The following LTBP1 variants were observed in gnomAD, a reference collection of about 807,000 sequenced individuals.
LTBP1 encodes the protein latent transforming growth factor beta binding protein 1.
Under a neutral mutation model 207.6 loss-of-function variants are expected in LTBP1, and 129 were observed. The observed-to-expected ratio is 0.62, with a 90% CI of 0.54 to 0.72. The LOEUF (loss-of-function observed/expected upper bound fraction) is 0.72, where lower values mean the gene tolerates loss of function less well. Among genes scored for constraint, LTBP1 ranks in the 30% least tolerant of loss-of-function variants. LTBP1 has a pLI of 0.00. For synonymous variants in LTBP1, 963 were observed against 833.7 expected (o/e 1.16, Z -2.67); for missense variants, 2,281 against 2,217.2 (o/e 1.03, Z -0.58).
intron 5 of LTBP1, among the ~76,000 whole-genome samples, chr2:33,182,699 T>TAC (rs377663333): frequency 0.016 from 1,253 of 78,814 alleles, 121 homozygotes; most frequent in South Asian, 0.046. Flanking sequence ...TATATATATA[T>TAC]ACACACACAC....
At chr2:33,360,237 T>C (rs2094911899) in intron 26 of LTBP1, among the ~76,000 whole-genome samples, 2 of 152,178 alleles carry the variant, frequency 1.3e-5, no homozygotes, top group South Asian at 2.1e-4. Flanking sequence ...TTGGGAAAAT[T>C]TTTATTGATT....
intron 11 of LTBP1, among the ~76,000 whole-genome samples, chr2:33,254,483 C>T (rs898600776): frequency 6.7e-6 from 1 of 149,012 alleles, no homozygotes; most frequent in Non-Finnish European, 1.5e-5. Context: ...AAAATTTTTG[C>T]ACTTAAGTTT....
intron 31 of LTBP1, among the ~76,000 whole-genome samples, chr2:33,369,903 C>T (rs1222948307): frequency 1.3e-5 from 2 of 152,226 alleles, no homozygotes; most frequent in Non-Finnish European, 2.9e-5. Flanking sequence ...TTACACAAAA[C>T]CATCTCTTGT....
At chr2:33,328,111 G>A (rs753214209) in intron 24 of LTBP1, among the ~76,000 whole-genome samples, 47 of 129,674 alleles carry the variant, frequency 3.6e-4, no homozygotes, top group Non-Finnish European at 6.4e-4. Context: ...CTCTAGCTTG[G>A]ACAACAAGAG....
intron 31 of LTBP1, among the ~76,000 whole-genome samples, chr2:33,369,198 T>TA (rs900952968): frequency 4.0e-4 from 59 of 149,332 alleles, no homozygotes; most frequent in African/African-American, 1.1e-3. Flanking sequence ...ATGCCAAATT[T>TA]AAAAAAAAAA....
At chr2:33,218,418 C>T (rs371980516) in intron 8 of LTBP1, among the ~76,000 whole-genome samples, 4 of 151,908 alleles carry the variant, frequency 2.6e-5, no homozygotes, top group South Asian at 2.1e-4. Flanking sequence ...CTTTTTGAGA[C>T]GGAATTTCAC....
At chr2:33,319,296 G>T (rs796310574) in intron 24 of LTBP1, among the ~76,000 whole-genome samples, 35 of 152,040 alleles carry the variant, frequency 2.3e-4, no homozygotes, top group Middle Eastern at 3.4e-3. Context: ...TACTCATGAG[G>T]CTGTGGCAGG....
At chr2:33,310,952 T>C (rs2094177143) in intron 23 of LTBP1, among the ~76,000 whole-genome samples, 2 of 152,178 alleles carry the variant, frequency 1.3e-5, no homozygotes, top group Non-Finnish European at 2.9e-5. Flanking sequence ...TATGGAACTG[T>C]GTAGTGTATC....
At chr2:33,203,184 T>G (rs1042327628) in intron 7 of LTBP1, among the ~76,000 whole-genome samples, 7 of 152,248 alleles carry the variant, frequency 4.6e-5, no homozygotes, top group African/African-American at 1.7e-4. Context: ...TGATAGGTGC[T>G]GGGACTTTTA....
At chr2:33,201,322 T>C (rs1038231195) in intron 7 of LTBP1, among the ~76,000 whole-genome samples, 1 of 152,164 alleles carries the variant, frequency 6.6e-6, no homozygotes, top group Non-Finnish European at 1.5e-5. Context: ...TTCATGTCCT[T>C]TGTAGGGACA....
chr2:33,054,805 G>A (rs999872856), intron 3 of LTBP1, among the ~76,000 whole-genome samples: 7 of 152,134 alleles, frequency 4.6e-5, no homozygotes, highest in African/African-American at 9.7e-5. Flanking sequence ...GACATGAGCC[G>A]GTGTTTGCCC....
chr2:33,222,183 C>G, intron 9 of LTBP1, 32 bp downstream of exon 9: 4 of 1,518,402 alleles, frequency 2.6e-6, no homozygotes, highest in Non-Finnish European at 2.7e-6. Context: ...GATGTGGACT[C>G]AACAGTTGTT....
chr2:33,227,968 C>G (rs1391573544), intron 9 of LTBP1, among the ~76,000 whole-genome samples: 2 of 151,840 alleles, frequency 1.3e-5, no homozygotes, highest in Non-Finnish European at 2.9e-5. Flanking sequence ...CCATGCCTGG[C>G]TACTTTTTTT....
chr2:32,951,936 T>C (rs1677175229), intron 2 of LTBP1, among the ~76,000 whole-genome samples: 1 of 152,202 alleles, frequency 6.6e-6, no homozygotes, highest in Non-Finnish European at 1.5e-5. Flanking sequence ...CCACATGAAG[T>C]TCCCCCTTAT....
chr2:33,271,929 C>T (rs1422473500), intron 15 of LTBP1, among the ~76,000 whole-genome samples: 2 of 152,044 alleles, frequency 1.3e-5, no homozygotes, highest in African/African-American at 2.4e-5. Flanking sequence ...ATTATTTTTC[C>T]TATAATTTGA....
chr2:33,276,306 TC>T (rs1368222544), intron 18 of LTBP1, among the ~76,000 whole-genome samples: 1 of 152,190 alleles, frequency 6.6e-6, no homozygotes, highest in Non-Finnish European at 1.5e-5. Context: ...CTACTTACAT[TC>T]CTTTGTCTCC....
chr2:33,377,674 C>A (rs2095158077), intron 31 of LTBP1, among the ~76,000 whole-genome samples: 1 of 152,150 alleles, frequency 6.6e-6, no homozygotes, highest in South Asian at 2.1e-4. Context: ...TCCTAAAAAG[C>A]AACACTTATT....
chr2:33,113,490 C>G (rs2080534517), intron 4 of LTBP1, among the ~76,000 whole-genome samples: 1 of 152,202 alleles, frequency 6.6e-6, no homozygotes, highest in African/African-American at 2.4e-5. Flanking sequence ...TAGAGAGAAA[C>G]TAACCAAGTT....
At chr2:33,273,577 CAAAG>C in intron 15 of LTBP1, 75 bp from the exon 16 acceptor site, 1 of 1,202,756 alleles carries the variant, frequency 8.3e-7, no homozygotes, top group Admixed American at 2.9e-5. Context: ...TCAGGAAACT[CAAAG>C]TAATACTTTG....
Sources: allele counts gnomAD v4.1 joint callset (sites outside exome capture counted in the v4.1 genomes callset), GRCh38; gene constraint gnomAD v4.1.1; transcripts MANE v1.5; gene names NCBI Gene and HGNC (gene_info 2026-07-23, HGNC 2026-07-21).